The following LRRC8C variants were observed in gnomAD, a reference collection of about 807,000 sequenced individuals.
LRRC8C encodes the protein volume-regulated anion channel subunit LRRC8C.
Under a neutral mutation model 55.3 loss-of-function variants are expected in LRRC8C, and 20 were observed. The ratio of observed to expected loss-of-function variants is 0.36; its 90% CI spans 0.25 to 0.53. The LOEUF (loss-of-function observed/expected upper bound fraction) is 0.53, where lower values mean the gene tolerates loss of function less well. Among genes scored for constraint, LRRC8C ranks in the 20% least tolerant of loss-of-function variants. LRRC8C has a pLI of 0.92. For missense variants in LRRC8C, 659 were observed against 951.4 expected (o/e 0.69, Z 4.04); for synonymous variants, 376 against 360.7 (o/e 1.04, Z -0.48).
In LRRC8C at chr1:89,652,606, A is replaced by G. The variant is rs936232819; in HGVS notation, c.-5+19284A>G. 4.6e-5 allele frequency among the ~76,000 whole-genome samples: 7 copies of G among 152,098 alleles called. 1 individual carries two copies. The highest frequency in any genetic ancestry group is 1.7e-4 in the African/African-American group (7 of 41,402). On this transcript the variant is annotated intron_variant, in intron 1 of 2. Coordinates refer to ENST00000370454, the MANE Select transcript of LRRC8C (RefSeq NM_032270.5). ...CAGTCTTGCATTATCATTTAAGACC[A>G]CACTAGGTACGAGGCTCTCAGCGGT...
intron 1 of LRRC8C, among the ~76,000 whole-genome samples, chr1:89,659,045 C>T (rs1657028167): frequency 1.9e-5 from 2 of 107,066 alleles, no homozygotes; most frequent in Admixed American, 1.1e-4. Flanking sequence ...GTGTCTTCTC[C>T]AGGTTTTTTT....
At chr1:89,634,296 A>G (rs1459561441) in intron 1 of LRRC8C, among the ~76,000 whole-genome samples, 1 of 152,234 alleles carries the variant, frequency 6.6e-6, no homozygotes, top group Admixed American at 6.5e-5. Context: ...TCCTCAAAGT[A>G]AAAAATAAGA....
rs551317224 is a variant in LRRC8C, at chr1:89,657,259, C to T, written c.-5+23937C>T. Among the ~76,000 whole-genome samples, 69 of 152,210 alleles carry T rather than the reference C, an allele frequency of 4.5e-4. 1 individual carries two copies. The highest frequency in any genetic ancestry group is 1.6e-3 in the Admixed American group (24 of 15,288). ...GACATATATTGCCTTGGACTAAGGA[C>T]TTCATATCACCCTAAGTGTACAAAA... On this transcript the variant is annotated intron_variant, in intron 1 of 2. Transcript: ENST00000370454.
intron 2 of LRRC8C, among the ~76,000 whole-genome samples, chr1:89,709,504 G>A (rs889179717): frequency 9.2e-5 from 14 of 152,126 alleles, no homozygotes; most frequent in Non-Finnish European, 1.9e-4. Flanking sequence ...TGGGCACCCT[G>A]GTACAGTGCA....
At chr1:89,691,055 C>G (rs1269893452) in intron 2 of LRRC8C, among the ~76,000 whole-genome samples, 1 of 152,204 alleles carries the variant, frequency 6.6e-6, no homozygotes, top group East Asian at 1.9e-4. Flanking sequence ...GTGGACTACT[C>G]AATTCAACAA....
intron 1 of LRRC8C, chr1:89,661,309 G>GATTA (rs1657115445): frequency 2.8e-6 from 1 of 354,274 alleles, no homozygotes; most frequent in Non-Finnish European, 5.6e-6. Flanking sequence ...CAGGGCTCTG[G>GATTA]ATTATTCTTT....
At chr1:89,667,365 C>T (rs1657298242) in intron 1 of LRRC8C, among the ~76,000 whole-genome samples, 1 of 152,102 alleles carries the variant, frequency 6.6e-6, no homozygotes, top group Non-Finnish European at 1.5e-5. Flanking sequence ...TTCCCCACTC[C>T]CTAAACCTAC....
chr1:89,705,624 T>G (rs1186822160), intron 2 of LRRC8C, among the ~76,000 whole-genome samples: 1 of 151,358 alleles, frequency 6.6e-6, no homozygotes, highest in Admixed American at 6.6e-5. Flanking sequence ...TACAAAAAAA[T>G]ACAAAAATTA....
intron 1 of LRRC8C, among the ~76,000 whole-genome samples, chr1:89,647,591 A>C (rs1039714677): frequency 6.6e-6 from 1 of 152,136 alleles, no homozygotes; most frequent in Non-Finnish European, 1.5e-5. Context: ...AAAATATATA[A>C]CTTTTACTCT....
At chr1:89,627,090 G>A in the LRRC8C span, among the ~76,000 whole-genome samples, 10 of 151,454 alleles carry the variant, frequency 6.6e-5, no homozygotes, top group African/African-American at 2.4e-4. Context: ...CATAAACCCA[G>A]GTGTGGTTGA....
At chr1:89,635,683 C>A (rs1656258864) in intron 1 of LRRC8C, among the ~76,000 whole-genome samples, 1 of 152,180 alleles carries the variant, frequency 6.6e-6, no homozygotes, top group African/African-American at 2.4e-5. Context: ...TTCTGCCCAG[C>A]GTTTTCCATA....
At chr1:89,629,576 T>C (rs991573709), upstream of LRRC8C, 2 of 152,232 alleles carry the variant, frequency 1.3e-5, no homozygotes, top group Admixed American at 1.3e-4. Flanking sequence ...TTAGAGCCTG[T>C]AGTATAATAA....
At position 89,713,087 on chromosome 1, in the gene LRRC8C, C is replaced by T; in HGVS notation, c.517C>T (p.Arg173Trp). The T allele has an allele frequency of 1.2e-6, 2 of 1,614,140 alleles. No homozygotes were observed. Among genetic ancestry groups the T allele is most frequent in the Non-Finnish European group, 1.7e-6 (2 of 1,180,014 alleles). Reference sequence around the variant, plus strand: ...GTGTTTTGACTCTCCTTGGACCACACGGGCTTTATCTGAAGTGTCTGGGGA... The same window carrying T: ...GTGTTTTGACTCTCCTTGGACCACATGGGCTTTATCTGAAGTGTCTGGGGA... ...GKCFDSPWTT[R>W]ALSEVSGEDS... Residue 173 changes from arginine to tryptophan, a missense_variant, in exon 3 of 3, where the codon CGG (arginine) becomes TGG (tryptophan). By Grantham distance (101) the Arg-to-Trp change is moderately radical (BLOSUM62 -3). Around this residue, in one of 5 missense-constraint regions of LRRC8C, gnomAD observed 200 missense variants for 360.5 expected, o/e 0.55. Transcript: ENST00000370454. The surrounding 1 kb of genome is among the most constrained non-coding windows in gnomAD (Gnocchi z 5.2).
chr1:89,635,789 T>G (rs1656261881), intron 1 of LRRC8C, among the ~76,000 whole-genome samples: 1 of 152,192 alleles, frequency 6.6e-6, no homozygotes, highest in Non-Finnish European at 1.5e-5. Flanking sequence ...AGCTTAACCT[T>G]ATGGACAATT....
Position 89,714,293 on chromosome 1 carries a change from G to A in LRRC8C, c.1723G>A (p.Asp575Asn). 1 of 1,614,130 alleles carries A rather than the reference G, an allele frequency of 6.2e-7. No homozygotes were observed. The highest frequency in any genetic ancestry group is 8.5e-7 in the Non-Finnish European group (1 of 1,180,024). ...TCTCCAGAAGATGTGCATACATAAT[G>A]ATGGCACCAAGCTGGTGATGCTCAA... ...SHLQKMCIHNDGTKLVMLNNL... is the reference protein window; with the variant it reads ...SHLQKMCIHNNGTKLVMLNNL... The change falls in exon 3 of 3, where the codon GAT becomes AAT. Residue 575 changes from aspartate to asparagine, a missense_variant. Asp to Asn is a conservative substitution (Grantham distance 23). This residue lies in a region of LRRC8C where 344 missense variants were observed against 464.6 expected (regional missense o/e 0.74). Coordinates refer to ENST00000370454, the MANE Select transcript of LRRC8C (RefSeq NM_032270.5). This position sits in a 1 kb window ranked among gnomAD's most constrained non-coding sequence, Gnocchi z 4.6.
chr1:89,629,043 A>G (rs899763364), upstream of LRRC8C, among the ~76,000 whole-genome samples: 16 of 152,282 alleles, frequency 1.1e-4, no homozygotes, highest in Admixed American at 4.6e-4. Context: ...TACAAATTCA[A>G]CTGCCATTTT....
At chr1:89,624,182 G>A in the LRRC8C span, among the ~76,000 whole-genome samples, 58 of 152,284 alleles carry the variant, frequency 3.8e-4, no homozygotes, top group East Asian at 7.5e-3. Context: ...TATGCTTCCC[G>A]TTTGCTTTGG....
the LRRC8C span, among the ~76,000 whole-genome samples, chr1:89,616,560 T>C: frequency 1.3e-5 from 2 of 152,216 alleles, no homozygotes; most frequent in African/African-American, 4.8e-5. Context: ...AATCTCTGAT[T>C]TGTCTGGGGA....
intron 1 of LRRC8C, among the ~76,000 whole-genome samples, chr1:89,634,137 G>T (rs202245692): frequency 1.3e-5 from 2 of 152,070 alleles, no homozygotes; most frequent in Non-Finnish European, 2.9e-5. Flanking sequence ...TCCAAACCTC[G>T]CATCCTCCGT....
Sources: gnomAD v4.1 joint callset for allele counts (sites outside exome capture counted in the v4.1 genomes callset) on GRCh38, gnomAD v4.1.1 for gene constraint, gnomAD v4.1.1 regional missense constraint, Gnocchi (gnomAD v3.1) non-coding constraint, MANE v1.5 for transcripts, NCBI Gene and HGNC (gene_info 2026-07-23, HGNC 2026-07-21) for gene names.